The following VPS13C variants were observed in gnomAD, a reference collection of about 807,000 sequenced individuals.
VPS13C encodes the protein intermembrane lipid transfer protein VPS13C.
In VPS13C, 358 loss-of-function variants were observed where a neutral mutation model predicts 456.8. The ratio of observed to expected loss-of-function variants is 0.78; its 90% CI spans 0.72 to 0.86. VPS13C has a LOEUF of 0.86. VPS13C is among the 40% of genes least tolerant of loss of function. The probability of loss-of-function intolerance (pLI) is 0.00; values close to 1 mark genes in which losing one functional copy is unlikely to be tolerated. For synonymous variants in VPS13C, 1,578 were observed against 1,486.7 expected (o/e 1.06, Z -1.41); for missense variants, 4,818 against 4,385.4 (o/e 1.10, Z -2.79).
rs941139372 is a variant in VPS13C at position 62,000,576 on chromosome 15, T to C, written c.1341A>G (p.Gln447=). The change falls in exon 16 of 85, where the codon CAA becomes CAG. Residue 447 remains glutamine (Q), a synonymous_variant. Transcript: ENST00000644861. ...TAAAAATGATTACCTCAACTTGTGC[T>C]TGTTGCCTTGCTAAAATTATGTTAA... is the stretch of plus-strand genomic sequence containing the variant. ...DVFNIILARQ[Q]AQVEVIRSGQ... 1 of 1,608,188 alleles carries C rather than the reference T, an allele frequency of 6.2e-7. No homozygotes were observed. The highest frequency in any genetic ancestry group is 8.5e-7 in the Non-Finnish European group (1 of 1,177,996).
At chr15:61,928,256 T>C (rs2043933973) in intron 51 of VPS13C, among the ~76,000 whole-genome samples, 1 of 152,006 alleles carries the variant, frequency 6.6e-6, no homozygotes, top group Non-Finnish European at 1.5e-5. Context: ...AGAATGTGCA[T>C]GTACGCAGGC....
chr15:62,046,663 T>C (rs950955993), intron 1 of VPS13C, among the ~76,000 whole-genome samples: 2 of 152,240 alleles, frequency 1.3e-5, no homozygotes, highest in Non-Finnish European at 2.9e-5. Context: ...TCAGAAATCA[T>C]CTGCGTTAGA....
At position 62,049,513 on chromosome 15, in the gene VPS13C, A is replaced by G. The variant is rs184798110; in HGVS notation, c.101-5258T>C. On this transcript the variant is annotated intron_variant, in intron 1 of 84. Coordinates refer to ENST00000644861, the MANE Select transcript of VPS13C (RefSeq NM_020821.3). ...CTGTTTTGGTTACTGTAGCCTTGCA[A>G]TATAGTTTGAAGTCAGGTAGCGTGA... Among the ~76,000 whole-genome samples, 689 of 152,300 alleles carry G rather than the reference A, an allele frequency of 4.5e-3. 6 individuals are homozygous for G. Among genetic ancestry groups the G allele is most frequent in the African/African-American group, 0.014 (586 of 41,574 alleles).
At chr15:61,997,157 T>C (rs1044469192) in intron 16 of VPS13C, among the ~76,000 whole-genome samples, 1 of 152,108 alleles carries the variant, frequency 6.6e-6, no homozygotes, top group African/African-American at 2.4e-5. Flanking sequence ...TTCTGTCCTA[T>C]CTTAGTTAAA....
rs534818862 is a variant in VPS13C, at chr15:62,002,923, C to T, written c.1291-2297G>A. ...TACCATGCTGTTTTGGTTACTGTAG[C>T]CTTGGAGTATAGTTTGAAGTCAGGT... is the stretch of plus-strand genomic sequence containing the variant. On this transcript the variant is annotated intron_variant, in intron 15 of 84. Transcript: ENST00000644861. Among the ~76,000 whole-genome samples the T allele has an allele frequency of 2.3e-3, 351 of 152,248 alleles. 1 individual carries two copies. Among genetic ancestry groups the T allele is most frequent in the Non-Finnish European group, 4.2e-3 (283 of 68,028 alleles).
At chr15:61,929,934 G>C (rs2043999225) in intron 50 of VPS13C, among the ~76,000 whole-genome samples, 186 bp from the exon 51 acceptor site, 1 of 152,044 alleles carries the variant, frequency 6.6e-6, no homozygotes, top group Non-Finnish European at 1.5e-5. Context: ...TCCAAAGCAA[G>C]ATATACGTTA....
chr15:61,883,130 C>G lies in VPS13C; in HGVS notation c.9484-394G>C, dbSNP rs150550440. ...CTCAACCTCCTGGCCTCAAGTGATA[C>G]TCCTGCCTCAGCCTCCCAAGCAGCT... On this transcript the variant is annotated intron_variant, in intron 68 of 84. Transcript: ENST00000644861. Among the ~76,000 whole-genome samples, 569 of 151,946 alleles carry G rather than the reference C, an allele frequency of 3.7e-3. 4 individuals are homozygous for G. Among genetic ancestry groups the G allele is most frequent in the African/African-American group, 0.013 (541 of 41,468 alleles).
At chr15:61,915,377 ATAC>A (rs113544556) in intron 61 of VPS13C, among the ~76,000 whole-genome samples, 9 of 151,956 alleles carry the variant, frequency 5.9e-5, no homozygotes, top group African/African-American at 1.4e-4. Context: ...TCTATCTACT[ATAC>A]TACTACTACT....
chr15:61,951,686 G>T, intron 39 of VPS13C, 138 bp downstream of exon 39: 4 of 826,396 alleles, frequency 4.8e-6, no homozygotes, highest in Non-Finnish European at 7.0e-6. Context: ...ACTGTACCCA[G>T]GGACTGTTTT....
chr15:61,906,301 G>A (rs1222868807), intron 66 of VPS13C, among the ~76,000 whole-genome samples: 5 of 152,048 alleles, frequency 3.3e-5, no homozygotes, highest in Non-Finnish European at 4.4e-5. Context: ...TGACTGAGGT[G>A]GAATCACCCT....
intron 1 of VPS13C, among the ~76,000 whole-genome samples, chr15:62,057,213 A>AC (rs1272193602): frequency 2.0e-5 from 3 of 151,288 alleles, no homozygotes; most frequent in East Asian, 1.9e-4. Context: ...AACAACAACA[A>AC]AAAAAAAACT....
chr15:61,926,831 G>T (rs762460236), intron 52 of VPS13C, among the ~76,000 whole-genome samples: 1 of 152,114 alleles, frequency 6.6e-6, no homozygotes, highest in Non-Finnish European at 1.5e-5. Flanking sequence ...ATATTAATTT[G>T]TACTAAAATT....
chr15:62,040,785 T>C (rs2048216109), intron 3 of VPS13C, among the ~76,000 whole-genome samples: 1 of 152,188 alleles, frequency 6.6e-6, no homozygotes, highest in East Asian at 1.9e-4. Context: ...CTTTGTAGAT[T>C]AAATTTCCTA....
intron 67 of VPS13C, among the ~76,000 whole-genome samples, chr15:61,888,688 A>C (rs1896448704): frequency 6.6e-6 from 1 of 152,150 alleles, no homozygotes; most frequent in African/African-American, 2.4e-5. Context: ...GCGGTTTCCA[A>C]AGGTTTAGAA....
chr15:62,034,696 T>C (rs929389971), intron 4 of VPS13C, among the ~76,000 whole-genome samples: 1 of 151,878 alleles, frequency 6.6e-6, no homozygotes, highest in African/African-American at 2.4e-5. Flanking sequence ...GAAGCCTTAG[T>C]TGCAAAACAA....
intron 5 of VPS13C, among the ~76,000 whole-genome samples, chr15:62,028,672 T>C (rs534594494): frequency 3.9e-5 from 6 of 152,206 alleles, no homozygotes; most frequent in African/African-American, 1.4e-4. Flanking sequence ...GTGAGGCAGG[T>C]AAATATCAAT....
At chr15:62,027,947 GAA>G (rs946189654) in intron 6 of VPS13C, among the ~76,000 whole-genome samples, 2 of 152,022 alleles carry the variant, frequency 1.3e-5, no homozygotes, top group Admixed American at 6.6e-5. Flanking sequence ...TGAATTCAAA[GAA>G]AAATTCCACT....
intron 70 of VPS13C, 49 bp from the exon 71 acceptor site, chr15:61,881,681 T>A (rs1315962510): frequency 1.9e-6 from 3 of 1,602,460 alleles, no homozygotes; most frequent in Non-Finnish European, 2.6e-6. Flanking sequence ...TTATACTAGG[T>A]TAAACTAATG....
At chr15:61,894,899 T>C (rs1319607673) in intron 66 of VPS13C, among the ~76,000 whole-genome samples, 3 of 152,156 alleles carry the variant, frequency 2.0e-5, no homozygotes, top group Admixed American at 1.3e-4. Flanking sequence ...CTAACAAACA[T>C]GTACAGAACA....
Sources: gnomAD v4.1 joint callset for allele counts (sites outside exome capture counted in the v4.1 genomes callset) on GRCh38, gnomAD v4.1.1 for gene constraint, MANE v1.5 for transcripts, NCBI Gene and HGNC (gene_info 2026-07-23, HGNC 2026-07-21) for gene names.